The following RUFY4 variants were observed in gnomAD, a reference collection of about 807,000 sequenced individuals.
The protein encoded by RUFY4 is RUN and FYVE domain-containing protein 4.
RUFY4 carries 73 observed loss-of-function variants against 69.0 expected under a neutral mutation model. That is an observed-to-expected ratio of 1.06 (90% CI 0.88 to 1.29). The LOEUF (loss-of-function observed/expected upper bound fraction) is 1.29, where lower values mean the gene tolerates loss of function less well. RUFY4 is among the 50% of genes most tolerant of loss of function. The pLI is 0.00. For missense variants in RUFY4, 770 were observed against 705.6 expected (o/e 1.09, Z -1.03); for synonymous variants, 287 against 271.8 (o/e 1.06, Z -0.55).
exon 5 of RUFY4, chr2:218,073,311 A>C (rs184111005): frequency 6.4e-7 from 1 of 1,565,802 alleles, no homozygotes; most frequent in South Asian, 1.2e-5. Context: ...GACTCTCTCT[A>C]TGCTCTCAAT....
At position 218,038,803 on chromosome 2, in the gene RUFY4, G is replaced by T. The variant is rs114059916; in HGVS notation, c.-1158+3409G>T. On this transcript the variant is annotated intron_variant and NMD_transcript_variant, in intron 2 of 13. Transcript: ENST00000457754. Reference sequence around the variant, plus strand: ...GCCCTTTTCCTCATGGCCCCATGATGGTTGCTGCAGCTCTAGCAGTCACAA... The same window carrying T: ...GCCCTTTTCCTCATGGCCCCATGATTGTTGCTGCAGCTCTAGCAGTCACAA... Among the ~76,000 whole-genome samples the T allele has an allele frequency of 7.7e-3, 1,169 of 152,264 alleles. 13 individuals are homozygous for T. The highest frequency in any genetic ancestry group is 0.027 in the African/African-American group (1,112 of 41,544).
At chr2:218,053,670 C>T (rs781479974) in intron 2 of RUFY4, among the ~76,000 whole-genome samples, 15 of 152,184 alleles carry the variant, frequency 9.9e-5, no homozygotes, top group Non-Finnish European at 1.5e-4. Flanking sequence ...CCACCGCGCC[C>T]GGCTAATTTT....
intron 9 of RUFY4, 98 bp from the exon 12 acceptor site, chr2:218,089,154 C>T (rs541224339): frequency 1.8e-5 from 16 of 886,960 alleles, no homozygotes; most frequent in Non-Finnish European, 2.7e-5. Flanking sequence ...TGTGTGATTC[C>T]GTCTGTTCCT....
At chr2:218,076,279 A>C (rs1180819989) in intron 7 of RUFY4, 148 bp from the exon 10 acceptor site, 1 of 1,331,960 alleles carries the variant, frequency 7.5e-7, no homozygotes, top group Non-Finnish European at 9.9e-7. Flanking sequence ...GGCCTAGGAC[A>C]GAGCCAGGCA....
rs567694285 is a variant in RUFY4 at position 218,074,985 on chromosome 2, C to T, written c.601-108C>T. ...AAGCTTCCAGTGAGAGGACCTGGTACCTATCTATTTAGCAAGCTGATTAGA... is the reference window on the plus strand; with the variant it reads ...AAGCTTCCAGTGAGAGGACCTGGTATCTATCTATTTAGCAAGCTGATTAGA... On this transcript the variant is annotated intron_variant, in intron 6 of 10. Transcript: ENST00000344321. 29 of 1,195,646 alleles carry T rather than the reference C, an allele frequency of 2.4e-5. No homozygotes were observed. The African/African-American group carries it at 4.5e-4, about 18-fold the overall frequency. 74.1% of individuals were successfully genotyped at this position (1,195,646 alleles called of 1,614,324 possible). A position where few individuals can be genotyped will look rare whatever the true frequency, so the allele number is the denominator to read the frequency against.
chr2:218,048,235 A>G (rs1036542356), intron 2 of RUFY4, among the ~76,000 whole-genome samples: 4 of 152,118 alleles, frequency 2.6e-5, no homozygotes, highest in Non-Finnish European at 5.9e-5. Flanking sequence ...GACCACATGT[A>G]TGTCTCCTTT....
At chr2:218,060,381 G>T (rs1289246945) in intron 3 of RUFY4, 9 of 1,551,054 alleles carry the variant, frequency 5.8e-6, no homozygotes, top group African/African-American at 4.1e-5. Context: ...AGCCAACAAA[G>T]GAAGGCCTGC....
At chr2:218,085,628 G>A (rs1262648164) in intron 9 of RUFY4, among the ~76,000 whole-genome samples, 1 of 152,202 alleles carries the variant, frequency 6.6e-6, no homozygotes, top group Non-Finnish European at 1.5e-5. Flanking sequence ...CATGGCAGAA[G>A]TGAGATGAGG....
chr2:218,042,069 T>C (rs956089774), intron 2 of RUFY4, among the ~76,000 whole-genome samples: 1 of 152,206 alleles, frequency 6.6e-6, no homozygotes, highest in Non-Finnish European at 1.5e-5. Flanking sequence ...GCTGTTGACT[T>C]ATCCAAATTG....
At chr2:218,082,950 GTGTGC>G (rs2106069607) in intron 8 of RUFY4, among the ~76,000 whole-genome samples, 155 bp from the exon 11 acceptor site, 1 of 164 alleles carries the variant, frequency 6.1e-3, no homozygotes. Flanking sequence ...GTAGGCATGT[GTGTGC>G]TGTGTGTGTG....
At chr2:218,070,536 C>A in exon 1 of RUFY4, 1 of 1,298,438 alleles carries the variant, frequency 7.7e-7, no homozygotes, top group Non-Finnish European at 1.1e-6. Context: ...GAGAGCTGGG[C>A]AGTGAGGCCG....
chr2:218,075,727 AG>A lies in RUFY4; in HGVS notation c.1237del (p.Asp413ThrfsTer24). The A allele has an allele frequency of 6.9e-7, 1 of 1,446,520 alleles. No homozygotes were observed. Among genetic ancestry groups the A allele is most frequent in the East Asian group, 2.4e-5 (1 of 41,296 alleles). The allele number at this position is 1,446,520 out of a possible 1,614,324, so 89.6% of individuals were successfully genotyped here. A position where few individuals can be genotyped will look rare whatever the true frequency, so the allele number is the denominator to read the frequency against. ...GAGGAGCAAGCCGAGGTGTCCCTGC[AG>A]GACGAGATCAAGGTGAGAACAGTTG... is the stretch of plus-strand genomic sequence containing the variant. On this transcript the variant is annotated frameshift_variant, in exon 7 of 11. Transcript: ENST00000344321. LOFTEE classifies it high-confidence loss of function.
At chr2:218,069,360 G>A (rs1689424856), upstream of RUFY4, 1 of 152,230 alleles carries the variant, frequency 6.6e-6, no homozygotes, top group African/African-American at 2.4e-5. Flanking sequence ...TGAGTAGCAG[G>A]GAGACCCCTG....
At position 218,058,712 on chromosome 2, in the gene RUFY4, GA is replaced by G. The variant is rs1303854805; in HGVS notation, c.-1071+32del. The G allele has an allele frequency of 3.9e-5, 6 of 152,336 alleles. No individual in the cohort carries two copies. The East Asian group carries it at 1.2e-3, about 29-fold the overall frequency. 9.4% of individuals were successfully genotyped at this position (152,336 alleles called of 1,614,324 possible). A position where few individuals can be genotyped will look rare whatever the true frequency, so the allele number is the denominator to read the frequency against. ...TGCAAGGTGCCAGACACCACCATAT[GA>G]TGGGTGTGTGCTTGTGGGGGAGAGA... On this transcript the variant is annotated intron_variant and NMD_transcript_variant, in intron 3 of 13. Transcript: ENST00000457754.
At chr2:218,089,599 C>A in intron 10 of RUFY4, 1 of 680,710 alleles carries the variant, frequency 1.5e-6, no homozygotes, top group South Asian at 1.6e-5. Flanking sequence ...GGTCCCCCTC[C>A]AAGAGCCGAT....
upstream of RUFY4, among the ~76,000 whole-genome samples, chr2:218,067,245 G>A (rs539061448): frequency 2.6e-5 from 4 of 152,250 alleles, no homozygotes; most frequent in South Asian, 8.3e-4. Flanking sequence ...CCCACCTCCC[G>A]GGCCCCTTGC....
chr2:218,048,686 AT>A (rs1278386473), intron 2 of RUFY4, among the ~76,000 whole-genome samples: 2 of 151,666 alleles, frequency 1.3e-5, no homozygotes, highest in South Asian at 2.1e-4. Flanking sequence ...TCTGATTTCT[AT>A]TTTTTTAATC....
At chr2:218,089,180 T>C in intron 9 of RUFY4, 72 bp from the exon 12 acceptor site, 2 of 1,197,874 alleles carry the variant, frequency 1.7e-6, no homozygotes, top group Admixed American at 4.1e-5. Context: ...TCTCTCTGTC[T>C]GGGTCTTTTC....
chr2:218,067,705 T>C (rs1243783511), upstream of RUFY4, among the ~76,000 whole-genome samples: 1 of 152,080 alleles, frequency 6.6e-6, no homozygotes, highest in Non-Finnish European at 1.5e-5. Flanking sequence ...TCCCCATCCC[T>C]GTCCCTGCCA....
Sources: gnomAD v4.1 joint callset for allele counts (sites outside exome capture counted in the v4.1 genomes callset) on GRCh38, gnomAD v4.1.1 for gene constraint, MANE v1.5 for transcripts, NCBI Gene and HGNC (gene_info 2026-07-23, HGNC 2026-07-21) for gene names.